The following RGS14 variants were observed in gnomAD, a reference collection of about 807,000 sequenced individuals.
The protein encoded by RGS14 is regulator of G-protein signaling 14.
Under a neutral mutation model 63.8 loss-of-function variants are expected in RGS14, and 33 were observed. The observed-to-expected ratio is 0.52, with a 90% CI of 0.39 to 0.69. The LOEUF is 0.69. Ranked by LOEUF, RGS14 falls within the 30% of genes least tolerant of loss-of-function variation. RGS14 has a pLI of 0.00. For missense variants in RGS14, 739 were observed against 742.9 expected, an observed-to-expected ratio of 0.99 and a Z score of 0.06; for synonymous variants, 296 against 320.9, an observed-to-expected ratio of 0.92 and a Z score of 0.83.
rs770090632 is a variant in RGS14 at position 177,359,248 on chromosome 5, G to C, written c.45+1179G>C. Among the ~76,000 whole-genome samples the C allele has an allele frequency of 6.6e-6, 1 of 151,892 alleles. No homozygotes were observed. Among genetic ancestry groups the C allele is most frequent in the Non-Finnish European group, 1.5e-5 (1 of 67,960 alleles). On this transcript the variant is annotated intron_variant, in intron 1 of 14. Transcript: ENST00000408923. The surrounding 1 kb of genome is among the most constrained non-coding windows in gnomAD (Gnocchi z 4.4). Reference sequence around the variant, plus strand: ...TTTCCTGCCCAGCCCCGGGCTGGCCGGCTGGGAGAGAGGCCACCCTTCAAA... The same window carrying C: ...TTTCCTGCCCAGCCCCGGGCTGGCCCGCTGGGAGAGAGGCCACCCTTCAAA...
chr5:177,366,126 G>A (rs1453868320), intron 2 of RGS14, 51 bp from the exon 3 acceptor site: 2 of 1,603,450 alleles, frequency 1.2e-6, no homozygotes, highest in Non-Finnish European at 1.7e-6. Context: ...GGTTGTGCCA[G>A]GGGCTGGGGA....
chr5:177,361,071 C>A (rs1761954448), intron 1 of RGS14, among the ~76,000 whole-genome samples: 1 of 152,206 alleles, frequency 6.6e-6, no homozygotes, highest in Admixed American at 6.5e-5. Flanking sequence ...CCTGTCCTGT[C>A]AGAGGGCCTA....
At position 177,365,951 on chromosome 5, in the gene RGS14, G is replaced by C. The variant is rs1262655183; in HGVS notation, c.46-12G>C. 1.2e-6 allele frequency: 2 copies of C among 1,613,878 alleles called. No individual in the cohort carries two copies. The highest frequency in any genetic ancestry group is 1.7e-5 in the Admixed American group (1 of 60,004). The stretch of plus-strand genomic sequence containing the variant: ...TGGGCTCTTCTGACTTTCTCTGTTG[G>C]GTCTCTTATAGGTTCTGGCTGTGTC... On this transcript the variant is annotated splice_polypyrimidine_tract_variant and intron_variant, in intron 1 of 14. Coordinates refer to ENST00000408923, the MANE Select transcript of RGS14 (RefSeq NM_006480.5).
Position 177,371,877 on chromosome 5 carries a change from G to A in RGS14, c.1503G>A (p.Leu501=). The change falls in exon 15 of 15, where the codon CTG becomes CTA. Residue 501 remains leucine (L), a synonymous_variant. Coordinates refer to ENST00000408923, the MANE Select transcript of RGS14 (RefSeq NM_006480.5). The surrounding 1 kb of genome is among the most constrained non-coding windows in gnomAD (Gnocchi z 6.1). ...CATGCTGTGGCTTGCCTCCAGGCCT[G>A]GTGGAGCTGCTGAACCGGGTGCAGA... ...GKRQTCDIEG[L]VELLNRVQSS... The A allele has an allele frequency of 1.2e-6, 2 of 1,611,368 alleles. No individual in the cohort carries two copies. The highest frequency in any genetic ancestry group is 1.7e-4 in the Middle Eastern group (1 of 6,016).
At position 177,366,216 on chromosome 5, in the gene RGS14, G is replaced by A; in HGVS notation, c.107G>A (p.Gly36Asp). Residue 36 changes from glycine (G) to aspartate (D), a missense_variant, in exon 3 of 15, where the codon GGC becomes GAC. By Grantham distance (94) the Gly-to-Asp change is moderately conservative. Coordinates refer to ENST00000408923, the MANE Select transcript of RGS14 (RefSeq NM_006480.5). ...STTGPQGQGEGRGSSLSIHSL... is the reference protein window; with the variant it reads ...STTGPQGQGEDRGSSLSIHSL... ...ACGGGGCCCCAGGGCCAGGGCGAGG[G>A]CCGCGGCAGCTCTCTCAGCATCCAC... The A allele has an allele frequency of 6.2e-7, 1 of 1,604,620 alleles. No individual in the cohort carries two copies. Among genetic ancestry groups the A allele is most frequent in the Non-Finnish European group, 8.5e-7 (1 of 1,176,770 alleles).
chr5:177,359,506 AG>A lies in RGS14; in HGVS notation c.45+1438del. Among the ~76,000 whole-genome samples the A allele has an allele frequency of 6.6e-6, 1 of 152,260 alleles. No individual in the cohort carries two copies. On this transcript the variant is annotated intron_variant, in intron 1 of 14. Coordinates refer to ENST00000408923, the MANE Select transcript of RGS14 (RefSeq NM_006480.5). The surrounding 1 kb of genome is among the most constrained non-coding windows in gnomAD (Gnocchi z 4.4). ...AACTACAGGGCAGCAGAGGGGGCCC[AG>A]AGACAGACCCAGCCCCTGCCCCTTC... is the stretch of plus-strand genomic sequence containing the variant.
At position 177,367,804 on chromosome 5, in the gene RGS14, C is replaced by T. The variant is rs1055689720; in HGVS notation, c.718C>T (p.Leu240Phe). The change falls in exon 7 of 15, where the codon CTC becomes TTC. Residue 240 changes from leucine to phenylalanine, a missense_variant. Coordinates refer to ENST00000408923, the MANE Select transcript of RGS14 (RefSeq NM_006480.5). ...CGTTGAGGGTCCTGGGGGCCGCCCT[C>T]TCCGCAAGTCCTTCCGCCGGGGTGA... ...PPVEGPGGRP[L>F]RKSFRRELGG... 1.0e-5 allele frequency: 16 copies of T among 1,599,200 alleles called. No individual in the cohort carries two copies. The highest frequency in any genetic ancestry group is 1.2e-5 in the Non-Finnish European group (14 of 1,172,392).
chr5:177,367,162 G>T, intron 5 of RGS14, 128 bp downstream of exon 5: 1 of 1,293,622 alleles, frequency 7.7e-7, no homozygotes. Flanking sequence ...AGAGCCAAAT[G>T]CCGGGGCAGG....
intron 5 of RGS14, 83 bp from the exon 6 acceptor site, chr5:177,367,330 CA>C: frequency 6.8e-7 from 1 of 1,478,702 alleles, no homozygotes; most frequent in Non-Finnish European, 9.1e-7. Flanking sequence ...GGGGCGGGGC[CA>C]GCCCCAAGGA....
rs137933396 is a variant in RGS14 at position 177,361,925 on chromosome 5, C to T, written c.45+3856C>T. Among the ~76,000 whole-genome samples, 53 of 152,330 alleles carry T rather than the reference C, an allele frequency of 3.5e-4. 1 individual carries two copies. The East Asian group carries it at 9.3e-3, about 27-fold the overall frequency. On this transcript the variant is annotated intron_variant, in intron 1 of 14. Transcript: ENST00000408923. ...TCAAGCAGGCTGAAGCAGGGGAGGCCAGCCCTGCTCAACACAACTTCCCCA... is the reference window on the plus strand; with the variant it reads ...TCAAGCAGGCTGAAGCAGGGGAGGCTAGCCCTGCTCAACACAACTTCCCCA...
rs1003229054 is a variant in RGS14 at position 177,358,103 on chromosome 5, G to A, written c.45+34G>A. 6 of 1,327,736 alleles carry A rather than the reference G, an allele frequency of 4.5e-6. No individual in the cohort carries two copies. The African/African-American group carries it at 7.6e-5, about 17-fold the overall frequency. The allele number at this position is 1,327,736 out of a possible 1,614,324, so 82.2% of individuals were successfully genotyped here. On this transcript the variant is annotated intron_variant, in intron 1 of 14. Coordinates refer to ENST00000408923, the MANE Select transcript of RGS14 (RefSeq NM_006480.5). This position sits in a 1 kb window ranked among gnomAD's most constrained non-coding sequence, Gnocchi z 4.8. Reference sequence around the variant, plus strand: ...GGGCTCCGGGCCAGGGCCACGAGGAGGGGGTGGGCACACCCAGGGTGGAGC... The same window carrying A: ...GGGCTCCGGGCCAGGGCCACGAGGAAGGGGTGGGCACACCCAGGGTGGAGC...
At chr5:177,365,704 G>A (rs148933586) in intron 1 of RGS14, among the ~76,000 whole-genome samples, 90 of 152,314 alleles carry the variant, frequency 5.9e-4, no homozygotes, top group African/African-American at 2.1e-3. Flanking sequence ...TGCACACCTG[G>A]CTCACCCAGC....
intron 7 of RGS14, 32 bp from the exon 8 acceptor site, chr5:177,368,125 G>C: frequency 1.2e-6 from 2 of 1,604,410 alleles, no homozygotes; most frequent in Non-Finnish European, 1.7e-6. Context: ...AGGGCGGGGG[G>C]CTGTTCGCGT....
At chr5:177,368,037 G>T (rs2127333482) in intron 7 of RGS14, 120 bp from the exon 8 acceptor site, 3 of 1,491,116 alleles carry the variant, frequency 2.0e-6, no homozygotes, top group South Asian at 2.7e-5. Flanking sequence ...CGCTCCCAGG[G>T]ATTTACACCT....
intron 1 of RGS14, among the ~76,000 whole-genome samples, chr5:177,363,504 G>T (rs761682140): frequency 2.6e-5 from 4 of 152,106 alleles, no homozygotes; most frequent in Non-Finnish European, 4.4e-5. Flanking sequence ...TCTGAGAGAC[G>T]CCCCCCGCCC....
Position 177,368,760 on chromosome 5 carries a change from G to A in RGS14, c.893G>A (p.Ser298Asn), listed in dbSNP as rs1402175673. Residue 298 changes from serine to asparagine, a missense_variant, in exon 9 of 15, where the codon AGC becomes AAC. Coordinates refer to ENST00000408923, the MANE Select transcript of RGS14 (RefSeq NM_006480.5). ...SLGSTEGESE[S>N]RPGKYCCVYL... ...GGGAGCACGGAGGGTGAAAGTGAAA[G>A]CCGGCCAGGGAAGTACTGCTGTGTG... 6.2e-7 allele frequency: 1 copy of A among 1,614,264 alleles called. No individual in the cohort carries two copies. The highest frequency in any genetic ancestry group is 1.7e-4 in the Middle Eastern group (1 of 6,060).
At position 177,366,770 on chromosome 5, in the gene RGS14, C is replaced by T. The variant is rs746512163; in HGVS notation, c.309C>T (p.Phe103=). Reference sequence around the variant, plus strand: ...CTTTCTGGAAGGCCTGCGAGCGCTTCCAGCAGATCCCGGCCAGCGATACCC... The same window carrying T: ...CTTTCTGGAAGGCCTGCGAGCGCTTTCAGCAGATCCCGGCCAGCGATACCC... The part of the protein sequence containing the change: ...NVTFWKACER[F]QQIPASDTQQ... Residue 103 remains phenylalanine, a synonymous_variant, in exon 4 of 15, where the codon TTC becomes TTT. Coordinates refer to ENST00000408923, the MANE Select transcript of RGS14 (RefSeq NM_006480.5). The T allele has an allele frequency of 3.1e-6, 5 of 1,614,066 alleles. No individual in the cohort carries two copies.
chr5:177,358,948 T>C lies in RGS14; in HGVS notation c.45+879T>C, dbSNP rs1761892191. On this transcript the variant is annotated intron_variant, in intron 1 of 14. Coordinates refer to ENST00000408923, the MANE Select transcript of RGS14 (RefSeq NM_006480.5). This position sits in a 1 kb window ranked among gnomAD's most constrained non-coding sequence, Gnocchi z 4.8. ...CAGTCCTGGTTCTATTCTCTCTTACTGGAGGGAGGGTCCTCGCCAGCTCTC... is the reference window on the plus strand; with the variant it reads ...CAGTCCTGGTTCTATTCTCTCTTACCGGAGGGAGGGTCCTCGCCAGCTCTC... Among the ~76,000 whole-genome samples the C allele has an allele frequency of 6.6e-6, 1 of 152,212 alleles. No homozygotes were observed. The highest frequency in any genetic ancestry group is 2.4e-5 in the African/African-American group (1 of 41,460).
In RGS14 at chr5:177,366,212, G is replaced by C. The variant is rs778150762; in HGVS notation, c.103G>C (p.Glu35Gln). Residue 35 changes from glutamate (E) to glutamine (Q), a missense_variant, in exon 3 of 15, where the codon GAG becomes CAG. Transcript: ENST00000408923. The stretch of plus-strand genomic sequence containing the variant: ...CACGACGGGGCCCCAGGGCCAGGGC[G>C]AGGGCCGCGGCAGCTCTCTCAGCAT... ...SSTTGPQGQG[E>Q]GRGSSLSIHS... The C allele has an allele frequency of 6.2e-6, 10 of 1,606,582 alleles. No homozygotes were observed. Among genetic ancestry groups the C allele is most frequent in the African/African-American group, 2.7e-5 (2 of 74,792 alleles).
Sources: gnomAD v4.1 joint callset for allele counts (sites outside exome capture counted in the v4.1 genomes callset) on GRCh38, gnomAD v4.1.1 for gene constraint, Gnocchi (gnomAD v3.1) non-coding constraint, MANE v1.5 for transcripts, NCBI Gene and HGNC (gene_info 2026-07-23, HGNC 2026-07-21) for gene names.